Variants in JAKMIP2 observed in about 807,000 individuals in gnomAD.
JAKMIP2 encodes janus kinase and microtubule-interacting protein 2.
A neutral mutation model predicts 115.0 loss-of-function variants in JAKMIP2; 25 were observed. The observed-to-expected ratio is 0.22, with a 90% confidence interval of 0.16 to 0.30. JAKMIP2 has a LOEUF of 0.30. Among genes scored for constraint, JAKMIP2 ranks in the 10% least tolerant of loss-of-function variants. The pLI is 1.00. For synonymous variants in JAKMIP2, 334 were observed against 343.6 expected (o/e 0.97, Z 0.31); for missense variants, 642 against 957.6 (o/e 0.67, Z 4.35).
At chr5:147,652,049 C>T (rs1323434079) in intron 3 of JAKMIP2, among the ~76,000 whole-genome samples, 1 of 152,206 alleles carries the variant, frequency 6.6e-6, no homozygotes, top group African/African-American at 2.4e-5. Context: ...TGCCCACATT[C>T]AGCCTCATTA....
At chr5:147,721,690 G>C (rs910152310) in intron 1 of JAKMIP2, among the ~76,000 whole-genome samples, 2 of 152,144 alleles carry the variant, frequency 1.3e-5, no homozygotes, top group African/African-American at 4.8e-5. Flanking sequence ...GTGAGGCAAT[G>C]CCTCTCCCTG....
At chr5:147,749,859 G>C (rs1332792610) in intron 1 of JAKMIP2, among the ~76,000 whole-genome samples, 1 of 152,104 alleles carries the variant, frequency 6.6e-6, no homozygotes, top group Non-Finnish European at 1.5e-5. Context: ...CCCTGAAATT[G>C]GATTGAGCTG....
intron 1 of JAKMIP2, among the ~76,000 whole-genome samples, chr5:147,723,199 G>A (rs995764249): frequency 7.2e-5 from 11 of 151,860 alleles, no homozygotes; most frequent in African/African-American, 1.9e-4. Context: ...TATATCCTAC[G>A]TTATCAGATA....
intron 1 of JAKMIP2, among the ~76,000 whole-genome samples, chr5:147,674,751 C>T (rs1759835862): frequency 6.6e-6 from 1 of 152,208 alleles, no homozygotes; most frequent in African/African-American, 2.4e-5. Flanking sequence ...GATAACTTAA[C>T]TAAATTGACC....
intron 1 of JAKMIP2, among the ~76,000 whole-genome samples, chr5:147,685,106 A>G (rs1435131835): frequency 6.6e-6 from 1 of 152,174 alleles, no homozygotes; most frequent in Non-Finnish European, 1.5e-5. Flanking sequence ...TAGGAGGTCA[A>G]TCCCTTACGC....
intron 21 of JAKMIP2, among the ~76,000 whole-genome samples, chr5:147,596,279 G>GCAT (rs1379124329): frequency 6.6e-6 from 1 of 152,032 alleles, no homozygotes; most frequent in African/African-American, 2.4e-5. Flanking sequence ...CCTAGGATGG[G>GCAT]GGTCAAGGTA....
chr5:147,656,183 G>C (rs1194033696), intron 3 of JAKMIP2, among the ~76,000 whole-genome samples: 1 of 152,216 alleles, frequency 6.6e-6, no homozygotes, highest in Non-Finnish European at 1.5e-5. Context: ...ATCTGGAATA[G>C]AGAGTTCTGT....
intron 1 of JAKMIP2, among the ~76,000 whole-genome samples, chr5:147,696,263 C>T (rs1448392016): frequency 6.6e-6 from 1 of 151,952 alleles, no homozygotes; most frequent in African/African-American, 2.4e-5. Flanking sequence ...TTCCCATAAT[C>T]CCCATGTGTC....
chr5:147,632,131 A>C (rs1434844807), intron 13 of JAKMIP2, among the ~76,000 whole-genome samples: 1 of 152,162 alleles, frequency 6.6e-6, no homozygotes, highest in Non-Finnish European at 1.5e-5. Context: ...AAAAACAAAC[A>C]CCTGAAATTT....
intron 1 of JAKMIP2, among the ~76,000 whole-genome samples, chr5:147,717,452 AC>A (rs1179832443): frequency 3.0e-5 from 4 of 134,244 alleles, no homozygotes; most frequent in Non-Finnish European, 6.4e-5. Context: ...GGCCATTTTC[AC>A]GATATTGATT....
At chr5:147,747,228 C>CA (rs1300431978) in intron 1 of JAKMIP2, among the ~76,000 whole-genome samples, 1 of 152,044 alleles carries the variant, frequency 6.6e-6, no homozygotes, top group Non-Finnish European at 1.5e-5. Context: ...TGAGCTTGGC[C>CA]AGGCAATCAA....
chr5:147,689,240 G>A lies in JAKMIP2; in HGVS notation c.-148-17286C>T, dbSNP rs530079264. Among the ~76,000 whole-genome samples the A allele has an allele frequency of 1.8e-3, 273 of 152,150 alleles. 4 individuals carry two copies. Among genetic ancestry groups the A allele is most frequent in the Non-Finnish European group, 2.7e-3 (185 of 68,022 alleles). Reference sequence around the variant, plus strand: ...AGCCAAAGAGAGGGCAGACAGTAATGGGAGGGCAGTGTGTGCAGACCATGC... The same window carrying A: ...AGCCAAAGAGAGGGCAGACAGTAATAGGAGGGCAGTGTGTGCAGACCATGC... On this transcript the variant is annotated intron_variant, in intron 1 of 21. Coordinates refer to ENST00000616793, the MANE Select transcript of JAKMIP2 (RefSeq NM_001270941.2).
At chr5:147,644,252 G>T in intron 6 of JAKMIP2, 54 bp from the exon 7 acceptor site, 2 of 1,430,740 alleles carry the variant, frequency 1.4e-6, no homozygotes, top group East Asian at 2.4e-5. Context: ...CTCAAACTTT[G>T]GTTGTTAACA....
chr5:147,610,707 C>T (rs187906190), intron 20 of JAKMIP2, among the ~76,000 whole-genome samples: 4 of 152,178 alleles, frequency 2.6e-5, no homozygotes, highest in East Asian at 3.9e-4. Flanking sequence ...AGAGCTTGAG[C>T]GCTATGCTGG....
Position 147,702,644 on chromosome 5 carries a change from GAA to G in JAKMIP2, c.-148-30692_-148-30691del, listed in dbSNP as rs1195186635. The stretch of plus-strand genomic sequence containing the variant: ...AGAAAGAAAGAAAGAAAGAAAGAAA[GAA>G]AGAAAGAAAGAAAGAAAGAGAGAGA... On this transcript the variant is annotated intron_variant, in intron 1 of 21. Transcript: ENST00000616793. 1.2e-4 allele frequency among the ~76,000 whole-genome samples: 15 copies of G among 123,390 alleles called. 1 individual carries two copies. Among genetic ancestry groups the G allele is most frequent in the East Asian group, 2.7e-4 (1 of 3,666 alleles). The allele number at this position is 123,390 out of a possible 152,430, so 80.9% of individuals were successfully genotyped here.
intron 19 of JAKMIP2, among the ~76,000 whole-genome samples, chr5:147,615,517 C>G (rs996202422): frequency 6.6e-5 from 10 of 151,954 alleles, no homozygotes; most frequent in African/African-American, 2.2e-4. Context: ...CTGAAGAGAC[C>G]TGCGTAAGAC....
chr5:147,691,544 G>C (rs1751860546), intron 1 of JAKMIP2, among the ~76,000 whole-genome samples: 1 of 152,202 alleles, frequency 6.6e-6, no homozygotes. Flanking sequence ...CTGGGGCTCA[G>C]AATCATGCAC....
At chr5:147,715,563 C>T (rs947442572) in intron 1 of JAKMIP2, among the ~76,000 whole-genome samples, 1 of 151,226 alleles carries the variant, frequency 6.6e-6, no homozygotes. Context: ...TTTACTAGAA[C>T]AAATAGGATA....
chr5:147,591,612 T>C lies in JAKMIP2; in HGVS notation c.*95A>G, dbSNP rs867959096. 2.5e-5 allele frequency: 35 copies of C among 1,409,246 alleles called. No homozygotes were observed. In the Middle Eastern group the frequency reaches 8.8e-4, roughly 35 times the overall value. 87.3% of individuals were successfully genotyped at this position (1,409,246 alleles called of 1,614,324 possible). On this transcript the variant is annotated 3_prime_UTR_variant, in exon 22 of 22. Transcript: ENST00000616793. ...TAGCTTTTGATCTCCCTCTCACTGG[T>C]GTAAACAATTTTGCCATCTTTGAAG...
Sources: gnomAD v4.1 joint callset for allele counts (sites outside exome capture counted in the v4.1 genomes callset) on GRCh38, gnomAD v4.1.1 for gene constraint, MANE v1.5 for transcripts, NCBI Gene and HGNC (gene_info 2026-07-23, HGNC 2026-07-21) for gene names.